CHL1: variants seen among roughly 807,000 people sequenced by gnomAD.
CHL1 encodes neural cell adhesion molecule L1-like protein.
In CHL1, 96 loss-of-function variants were observed where a neutral mutation model predicts 141.9. The observed-to-expected ratio is 0.68, with a 90% CI of 0.57 to 0.80. The LOEUF (loss-of-function observed/expected upper bound fraction) is 0.80, where lower values mean the gene tolerates loss of function less well. Among genes scored for constraint, CHL1 ranks in the 30% least tolerant of loss-of-function variants. CHL1 has a pLI of 0.00. For missense variants in CHL1, 1,820 were observed against 1,457.2 expected, an observed-to-expected ratio of 1.25 and a Z score of -4.05; for synonymous variants, 613 against 502.2, an observed-to-expected ratio of 1.22 and a Z score of -2.95.
intron 1 of CHL1, chr3:197,907 G>A: frequency 2.3e-6 from 1 of 427,598 alleles, no homozygotes; most frequent in Non-Finnish European, 4.6e-6. Flanking sequence ...GTGTGCGTGG[G>A]GAGGCAGCAC....
chr3:252,583 G>A (rs751048359), intron 2 of CHL1, among the ~76,000 whole-genome samples: 1 of 151,318 alleles, frequency 6.6e-6, no homozygotes, highest in South Asian at 2.1e-4. Flanking sequence ...ATTCAAGTTC[G>A]ATTGTATATT....
intron 23 of CHL1, among the ~76,000 whole-genome samples, chr3:393,530 T>C (rs1708421835): frequency 6.6e-6 from 1 of 152,018 alleles, no homozygotes; most frequent in Non-Finnish European, 1.5e-5. Flanking sequence ...ACAATTGTAA[T>C]GATTATTGAA....
At chr3:311,654 C>G (rs1030289256) in intron 2 of CHL1, among the ~76,000 whole-genome samples, 20 of 152,136 alleles carry the variant, frequency 1.3e-4, no homozygotes, top group Admixed American at 6.5e-4. Context: ...TATGAGCTGG[C>G]CATGTGGGAT....
chr3:234,513 A>G (rs7650973), intron 1 of CHL1, among the ~76,000 whole-genome samples: 76,691 of 151,908 alleles, frequency 0.5, 20,927 homozygotes, highest in Non-Finnish European at 0.61. Flanking sequence ...GAAAATTAGT[A>G]ATATTTAAAG....
At chr3:330,528 TA>T (rs1356787306) in intron 5 of CHL1, among the ~76,000 whole-genome samples, 1 of 152,128 alleles carries the variant, frequency 6.6e-6, no homozygotes, top group Non-Finnish European at 1.5e-5. Context: ...ATGTGGTATG[TA>T]ATCTTTGTAG....
intron 10 of CHL1, among the ~76,000 whole-genome samples, chr3:352,719 G>A (rs1471534689): frequency 6.6e-6 from 1 of 152,036 alleles, no homozygotes; most frequent in Non-Finnish European, 1.5e-5. Context: ...TGGATGAAAA[G>A]CATTAAAGTA....
intron 23 of CHL1, among the ~76,000 whole-genome samples, chr3:392,027 A>G (rs981081610): frequency 6.6e-6 from 1 of 152,198 alleles, no homozygotes; most frequent in African/African-American, 2.4e-5. Flanking sequence ...TTATTTATAT[A>G]TGTCTACAGC....
At chr3:384,212 T>C (rs1055452379) in intron 19 of CHL1, 1 of 179,984 alleles carries the variant, frequency 5.6e-6, no homozygotes, top group African/African-American at 2.4e-5. Flanking sequence ...TGAAAATCTT[T>C]AATTAATTTA....
chr3:228,690 A>C (rs189099846), intron 1 of CHL1, among the ~76,000 whole-genome samples: 29 of 152,344 alleles, frequency 1.9e-4, no homozygotes, highest in African/African-American at 6.7e-4. Context: ...GTGAGAGGCC[A>C]GTAATATGGG....
intron 2 of CHL1, among the ~76,000 whole-genome samples, chr3:316,870 G>A (rs1700188865): frequency 1.3e-5 from 2 of 151,976 alleles, no homozygotes; most frequent in African/African-American, 4.8e-5. Flanking sequence ...GGTCTAGCAT[G>A]AGGCATTAAA....
intron 15 of CHL1, among the ~76,000 whole-genome samples, chr3:372,413 G>A (rs1705752505): frequency 6.6e-6 from 1 of 151,998 alleles, no homozygotes; most frequent in African/African-American, 2.4e-5. Context: ...ACTGATACTT[G>A]TGTATGCTTC....
At chr3:348,195 A>G (rs1451931785) in intron 9 of CHL1, among the ~76,000 whole-genome samples, 1 of 152,188 alleles carries the variant, frequency 6.6e-6, no homozygotes, top group Non-Finnish European at 1.5e-5. Context: ...TTTAGAGTAG[A>G]CAAATATAAG....
At chr3:375,633 A>G (rs888059213) in intron 15 of CHL1, among the ~76,000 whole-genome samples, 2 of 152,066 alleles carry the variant, frequency 1.3e-5, no homozygotes, top group Non-Finnish European at 2.9e-5. Flanking sequence ...TAAGCCAAAA[A>G]TGAATGAAAT....
intron 16 of CHL1, among the ~76,000 whole-genome samples, chr3:380,015 T>G (rs1559335080): frequency 6.6e-6 from 1 of 152,210 alleles, no homozygotes; most frequent in Non-Finnish European, 1.5e-5. Context: ...ATATCATTTT[T>G]TAAAAGTTTC....
intron 25 of CHL1, among the ~76,000 whole-genome samples, chr3:398,683 T>G (rs9860339): frequency 0.98 from 149,500 of 152,280 alleles, 73,447 homozygotes; most frequent in Middle Eastern, 1. Context: ...AAACCACCGG[T>G]CTCCATGGTC....
intron 1 of CHL1, chr3:197,691 G>C (rs1421795859): frequency 4.8e-6 from 2 of 414,364 alleles, no homozygotes; most frequent in South Asian, 3.4e-5. Flanking sequence ...GTGGGGTTGT[G>C]GGGTTGGGGA....
intron 2 of CHL1, among the ~76,000 whole-genome samples, chr3:256,058 T>A (rs1352595351): frequency 3.4e-5 from 5 of 147,954 alleles, no homozygotes; most frequent in African/African-American, 1.2e-4. Context: ...ATCTACAGCA[T>A]CTATCAATAA....
In CHL1 at chr3:354,708, T is replaced by C. The variant is rs1289320905; in HGVS notation, c.1102T>C (p.Cys368Arg). 6.2e-7 allele frequency: 1 copy of C among 1,613,924 alleles called. No individual in the cohort carries two copies. The highest frequency in any genetic ancestry group is 1.3e-5 in the African/African-American group (1 of 74,918). Residue 368 changes from cysteine (C) to arginine (R), a missense_variant, in exon 11 of 28, where the codon TGT becomes CGT. By Grantham distance (180) the Cys-to-Arg change is radical. Transcript: ENST00000256509. ...YSTGSNGILL[C>R]EAEGEPQPTI... Reference sequence around the variant, plus strand: ...CACCGGAAGCAATGGCATCTTGTTATGTGAGGCTGAAGGAGAACCTCAACC... The same window carrying C: ...CACCGGAAGCAATGGCATCTTGTTACGTGAGGCTGAAGGAGAACCTCAACC...
chr3:354,845 G>A lies in CHL1; in HGVS notation c.1165+74G>A, dbSNP rs1703578870. The A allele has an allele frequency of 1.9e-6, 3 of 1,553,794 alleles. No individual in the cohort carries two copies. The South Asian group carries it at 3.6e-5, about 19-fold the overall frequency. ...CGGGATTAATGATGGTCAGACGTGT[G>A]TAAAATGAAGTTGGTATGTGGTTGG... On this transcript the variant is annotated intron_variant, in intron 11 of 27. Transcript: ENST00000256509.
Sources: gnomAD v4.1 joint callset for allele counts (sites outside exome capture counted in the v4.1 genomes callset) on GRCh38, gnomAD v4.1.1 for gene constraint, MANE v1.5 for transcripts, NCBI Gene and HGNC (gene_info 2026-07-23, HGNC 2026-07-21) for gene names.